ESYT3: variants seen among roughly 807,000 people sequenced by gnomAD.
ESYT3 encodes the protein extended synaptotagmin 3.
A neutral mutation model predicts 111.5 loss-of-function variants in ESYT3; 101 were observed. The observed-to-expected ratio is 0.91, with a 90% confidence interval of 0.77 to 1.07. The LOEUF (loss-of-function observed/expected upper bound fraction) is 1.07. ESYT3 is among the 50% of genes least tolerant of loss of function. The probability of loss-of-function intolerance (pLI) is 0.00; values close to 1 mark genes in which losing one functional copy is unlikely to be tolerated. For missense variants in ESYT3, 1,097 were observed against 1,109.4 expected, an observed-to-expected ratio of 0.99 and a Z score of 0.16; for synonymous variants, 416 against 446.8, an observed-to-expected ratio of 0.93 and a Z score of 0.87.
chr3:138,452,405 C>T (rs902410270), intron 2 of ESYT3, among the ~76,000 whole-genome samples: 1 of 152,198 alleles, frequency 6.6e-6, no homozygotes, highest in Non-Finnish European at 1.5e-5. Flanking sequence ...ACAACAGCTT[C>T]TGGACACTGC....
intron 11 of ESYT3, 80 bp downstream of exon 11, chr3:138,467,689 C>A: frequency 7.5e-7 from 1 of 1,341,590 alleles, no homozygotes; most frequent in Non-Finnish European, 1.1e-6. Flanking sequence ...TTGCTTCAGC[C>A]CAGCTATTCC....
chr3:138,460,720 C>A, intron 7 of ESYT3, 54 bp downstream of exon 7: 1 of 1,573,482 alleles, frequency 6.4e-7, no homozygotes, highest in Non-Finnish European at 8.7e-7. Context: ...GCCTCCAGGG[C>A]TCTGCAGCCA....
intron 15 of ESYT3, 112 bp downstream of exon 15, chr3:138,469,616 T>C (rs892878660): frequency 1.3e-6 from 1 of 771,244 alleles, no homozygotes; most frequent in Admixed American, 2.3e-5. Flanking sequence ...TAGTAGGCAC[T>C]TGATGTTATT....
chr3:138,468,626 A>G (rs1213770442), intron 12 of ESYT3, 29 bp from the exon 13 acceptor site: 2 of 1,612,280 alleles, frequency 1.2e-6, no homozygotes, highest in Admixed American at 3.3e-5. Context: ...TGCTGGGAGT[A>G]CCCAGTGAGG....
chr3:138,473,107 CAGCAG>C (rs2033317405), intron 18 of ESYT3: 1 of 1,392,334 alleles, frequency 7.2e-7, no homozygotes, highest in South Asian at 1.7e-5. Context: ...AGGTCCCTTC[CAGCAG>C]AACCATTGAG....
Position 138,446,591 on chromosome 3 carries a change from A to G in ESYT3, c.328-5457A>G, listed in dbSNP as rs533336991. On this transcript the variant is annotated intron_variant, in intron 1 of 22. Coordinates refer to ENST00000389567, the MANE Select transcript of ESYT3 (RefSeq NM_031913.5). Reference sequence around the variant, plus strand: ...CAAAGAAGGTTGTTATATGCTTGTAAAGGGCAATAATGATATACCTGGGCA... The same window carrying G: ...CAAAGAAGGTTGTTATATGCTTGTAGAGGGCAATAATGATATACCTGGGCA... Among the ~76,000 whole-genome samples the G allele has an allele frequency of 2.0e-5, 3 of 152,320 alleles. No homozygotes were observed. In the East Asian group the frequency reaches 5.8e-4, roughly 29 times the overall value.
At chr3:138,458,662 G>A (rs1288813111) in intron 4 of ESYT3, among the ~76,000 whole-genome samples, 1 of 152,232 alleles carries the variant, frequency 6.6e-6, no homozygotes, top group Non-Finnish European at 1.5e-5. Context: ...CCTGGCGAGA[G>A]CCACTGGGTG....
At position 138,468,149 on chromosome 3, in the gene ESYT3, G is replaced by T; in HGVS notation, c.1263G>T (p.Arg421=). ...CAACCAGCGGGCGGCTGCACCTGCG[G>T]CTGGAGTGGCTTTCATTGCTTACTG... ...NDTTSGRLHL[R]LEWLSLLTDQ... The change falls in exon 12 of 23, where the codon CGG becomes CGT. Residue 421 remains arginine (R), a synonymous_variant. Transcript: ENST00000389567. 11 of 1,614,176 alleles carry T rather than the reference G, an allele frequency of 6.8e-6. No homozygotes were observed. Among genetic ancestry groups the T allele is most frequent in the Non-Finnish European group, 9.3e-6 (11 of 1,180,032 alleles).
Position 138,476,858 on chromosome 3 carries a change from T to C in ESYT3, c.*4T>C, listed in dbSNP as rs1553822939. 1 of 1,613,448 alleles carries C rather than the reference T, an allele frequency of 6.2e-7. No homozygotes were observed. Among genetic ancestry groups the C allele is most frequent in the Non-Finnish European group, 8.5e-7 (1 of 1,179,448 alleles). On this transcript the variant is annotated 3_prime_UTR_variant, in exon 23 of 23. Coordinates refer to ENST00000389567, the MANE Select transcript of ESYT3 (RefSeq NM_031913.5). ...AAATGGACAGCCCAGAAGCTGATGA[T>C]GAGAATTCTTATCACTCACCTTTAT...
At chr3:138,453,413 C>T (rs1377756016) in intron 2 of ESYT3, among the ~76,000 whole-genome samples, 2 of 152,124 alleles carry the variant, frequency 1.3e-5, no homozygotes, top group African/African-American at 2.4e-5. Context: ...ACTCAGGAGG[C>T]ACTTGGCCAG....
Position 138,476,471 on chromosome 3 carries a change from T to G in ESYT3, c.2603T>G (p.Leu868Arg), listed in dbSNP as rs1489737343. The G allele has an allele frequency of 6.2e-7, 1 of 1,613,868 alleles. No homozygotes were observed. The highest frequency in any genetic ancestry group is 2.2e-5 in the East Asian group (1 of 44,882). ...KVLIDLSKED[L>R]IKGFSQWYEL... Reference sequence around the variant, plus strand: ...CTGATTGACTTATCAAAAGAAGATCTGATTAAGGGCTTTTCACAATGGTAA... The same window carrying G: ...CTGATTGACTTATCAAAAGAAGATCGGATTAAGGGCTTTTCACAATGGTAA... Residue 868 changes from leucine (L) to arginine (R), a missense_variant, in exon 22 of 23, where the codon CTG (leucine) becomes CGG (arginine). Physicochemically the swap from Leu to Arg is moderately radical, Grantham distance 102. Coordinates refer to ENST00000389567, the MANE Select transcript of ESYT3 (RefSeq NM_031913.5).
intron 20 of ESYT3, 120 bp downstream of exon 20, chr3:138,474,472 T>A: frequency 8.5e-7 from 1 of 1,174,006 alleles, no homozygotes; most frequent in Non-Finnish European, 1.2e-6. Flanking sequence ...CAAGACAACA[T>A]AGTCTATGAC....
At position 138,457,640 on chromosome 3, in the gene ESYT3, A is replaced by G; in HGVS notation, c.577A>G (p.Ile193Val). ...NRRRVTVDLQ[I>V]CYIGDCEISV... Reference sequence around the variant, plus strand: ...AAGACGTGTGACTGTGGACCTGCAGATCTGGTGAGCTCTATCGGGCTGGGT... The same window carrying G: ...AAGACGTGTGACTGTGGACCTGCAGGTCTGGTGAGCTCTATCGGGCTGGGT... The change falls in exon 4 of 23, where the codon ATC (isoleucine) becomes GTC (valine). Residue 193 changes from isoleucine (I) to valine (V), a missense_variant. Ile to Val is a conservative substitution (Grantham distance 29). Coordinates refer to ENST00000389567, the MANE Select transcript of ESYT3 (RefSeq NM_031913.5). 2 of 1,614,114 alleles carry G rather than the reference A, an allele frequency of 1.2e-6. No individual in the cohort carries two copies. The highest frequency in any genetic ancestry group is 2.2e-5 in the South Asian group (2 of 91,074).
At chr3:138,443,167 C>T (rs979040080) in intron 1 of ESYT3, among the ~76,000 whole-genome samples, 3 of 152,178 alleles carry the variant, frequency 2.0e-5, no homozygotes, top group African/African-American at 7.2e-5. Context: ...CTCAGTTCTG[C>T]TGGGTTCAGC....
chr3:138,467,505 C>A, intron 10 of ESYT3, 56 bp from the exon 11 acceptor site: 1 of 1,567,362 alleles, frequency 6.4e-7, no homozygotes, highest in South Asian at 1.1e-5. Flanking sequence ...GCCTCCATGC[C>A]CTCTGCTGCT....
chr3:138,453,650 A>AG (rs1371134044), intron 2 of ESYT3, among the ~76,000 whole-genome samples: 2 of 152,166 alleles, frequency 1.3e-5, no homozygotes, highest in East Asian at 3.9e-4. Flanking sequence ...CGCCTTGTGT[A>AG]GGCCTCTGTG....
At position 138,455,334 on chromosome 3, in the gene ESYT3, T is replaced by C; in HGVS notation, c.504+6T>C. On this transcript the variant is annotated splice_donor_region_variant and intron_variant, in intron 3 of 22. Coordinates refer to ENST00000389567, the MANE Select transcript of ESYT3 (RefSeq NM_031913.5). ...AGCTCTACTTTGGACAGAAGGTGGGTGTGTCTCGGGAGGGTCAGCCTGGAC... is the reference window on the plus strand; with the variant it reads ...AGCTCTACTTTGGACAGAAGGTGGGCGTGTCTCGGGAGGGTCAGCCTGGAC... 6.2e-7 allele frequency: 1 copy of C among 1,614,062 alleles called. No homozygotes were observed. The highest frequency in any genetic ancestry group is 8.5e-7 in the Non-Finnish European group (1 of 1,179,946).
intron 1 of ESYT3, among the ~76,000 whole-genome samples, chr3:138,451,263 G>C (rs779063729): frequency 1.2e-4 from 18 of 152,298 alleles, no homozygotes; most frequent in South Asian, 6.2e-4. Flanking sequence ...GAAGCTATGT[G>C]ACTATAGGAA....
chr3:138,460,817 A>G (rs541431102), intron 7 of ESYT3, 151 bp downstream of exon 7: 3 of 900,164 alleles, frequency 3.3e-6, no homozygotes, highest in Non-Finnish European at 5.3e-6. Context: ...GTGGGAGGCT[A>G]AGGGTGTTGT....
Sources: allele counts gnomAD v4.1 joint callset (sites outside exome capture counted in the v4.1 genomes callset), GRCh38; gene constraint gnomAD v4.1.1; transcripts MANE v1.5; gene names NCBI Gene and HGNC (gene_info 2026-07-23, HGNC 2026-07-21).